SNAP23: variants seen among roughly 807,000 people sequenced by gnomAD.
SNAP23 encodes the protein synaptosomal-associated protein 23.
Under a neutral mutation model 29.0 loss-of-function variants are expected in SNAP23, and 11 were observed. That is an observed-to-expected ratio of 0.38 (90% CI 0.24 to 0.63). The LOEUF (loss-of-function observed/expected upper bound fraction) is 0.63. Ranked by LOEUF, SNAP23 falls within the 20% of genes least tolerant of loss-of-function variation. The pLI, the probability that SNAP23 is intolerant of heterozygous loss-of-function variation, is 0.58. For missense variants in SNAP23, 220 were observed against 253.9 expected (o/e 0.87, Z 0.91); for synonymous variants, 60 against 82.9 (o/e 0.72, Z 1.50).
upstream of SNAP23, chr15:42,495,460 C>T (rs2057209124): frequency 1.3e-5 from 2 of 152,258 alleles, no homozygotes; most frequent in African/African-American, 4.8e-5. Flanking sequence ...GCATGAACAC[C>T]TCCCAGCTTC....
At chr15:42,501,034 G>A (rs1243772136) in intron 1 of SNAP23, among the ~76,000 whole-genome samples, 1 of 152,062 alleles carries the variant, frequency 6.6e-6, no homozygotes, top group African/African-American at 2.4e-5. Flanking sequence ...TACTTTCGAT[G>A]GCCTTTCAAT....
intron 5 of SNAP23, among the ~76,000 whole-genome samples, chr15:42,517,054 G>C (rs560143789): frequency 6.6e-6 from 1 of 152,218 alleles, no homozygotes; most frequent in South Asian, 2.1e-4. Flanking sequence ...CAAGTAGCTG[G>C]GATTACAAAT....
At chr15:42,525,093 C>T (rs903613583) in intron 5 of SNAP23, among the ~76,000 whole-genome samples, 1 of 152,106 alleles carries the variant, frequency 6.6e-6, no homozygotes, top group Admixed American at 6.6e-5. Context: ...GTCAGCTGGG[C>T]GCGGTAGCTC....
chr15:42,514,672 C>T (rs2057384156), intron 4 of SNAP23, among the ~76,000 whole-genome samples: 1 of 151,670 alleles, frequency 6.6e-6, no homozygotes, highest in East Asian at 1.9e-4. Flanking sequence ...CTCTAAATAA[C>T]CGTCCCTTGG....
At chr15:42,516,269 A>G (rs767894096) in intron 5 of SNAP23, among the ~76,000 whole-genome samples, 1 of 151,962 alleles carries the variant, frequency 6.6e-6, no homozygotes, top group Non-Finnish European at 1.5e-5. Flanking sequence ...GGCACAAGAG[A>G]TCCTCCCACC....
chr15:42,528,341 T>A lies in SNAP23; in HGVS notation c.346T>A (p.Ser116Thr). The change falls in exon 6 of 8, where the codon TCT becomes ACT. Residue 116 changes from serine (S) to threonine (T), a missense_variant. Coordinates refer to ENST00000249647, the MANE Select transcript of SNAP23 (RefSeq NM_003825.4). ...GGENSPCNVV[S>T]KQPGPVTNGQ... ...AGAAAACTCACCTTGCAATGTAGTA[T>A]CTAAACAGCCAGGCCCGGTGACAAA... The A allele has an allele frequency of 6.2e-7, 1 of 1,614,078 alleles. No homozygotes were observed.
intron 1 of SNAP23, among the ~76,000 whole-genome samples, chr15:42,502,104 T>C (rs1167501538): frequency 6.6e-6 from 1 of 150,868 alleles, no homozygotes; most frequent in Non-Finnish European, 1.5e-5. Context: ...CTTGGCTGAC[T>C]GCAAGCTCTG....
rs201975588 is a variant in SNAP23, at chr15:42,528,358, G to A, written c.363G>A (p.Pro121=). 2.5e-5 allele frequency: 40 copies of A among 1,613,964 alleles called. No homozygotes were observed. In the Admixed American group the frequency reaches 3.3e-4, roughly 13 times the overall value. ...PCNVVSKQPG[P]VTNGQLQQPT... is the part of the protein sequence containing the mutation. ...ATGTAGTATCTAAACAGCCAGGCCC[G>A]GTGACAAATGGTCAGCTTCAGCAAC... Residue 121 remains proline (P), a synonymous_variant, in exon 6 of 8, where the codon CCG becomes CCA. Transcript: ENST00000249647.
intron 1 of SNAP23, among the ~76,000 whole-genome samples, chr15:42,502,966 G>A (rs570989240): frequency 1.4e-4 from 22 of 152,014 alleles, no homozygotes; most frequent in Admixed American, 1.4e-3. Flanking sequence ...AATTTTTTTT[G>A]TAATTAGAGT....
At chr15:42,526,998 C>T (rs2057509747) in intron 5 of SNAP23, among the ~76,000 whole-genome samples, 1 of 152,098 alleles carries the variant, frequency 6.6e-6, no homozygotes, top group Non-Finnish European at 1.5e-5. Context: ...GTGCCACACC[C>T]AGCTAATTTT....
chr15:42,504,343 A>G (rs999399898), intron 1 of SNAP23, among the ~76,000 whole-genome samples: 13 of 152,134 alleles, frequency 8.5e-5, no homozygotes, highest in Admixed American at 8.5e-4. Flanking sequence ...TCCGTCTCAA[A>G]TAAAATAAAG....
At chr15:42,492,709 A>G (rs935962225), upstream of SNAP23, 5 of 151,870 alleles carry the variant, frequency 3.3e-5, no homozygotes, top group African/African-American at 1.2e-4. Flanking sequence ...AGAGAGAGAA[A>G]AAAGAAAGGA....
At chr15:42,499,172 G>A (rs1219005455) in intron 1 of SNAP23, among the ~76,000 whole-genome samples, 5 of 151,546 alleles carry the variant, frequency 3.3e-5, no homozygotes, top group Non-Finnish European at 7.4e-5. Flanking sequence ...GGGTTCAAGC[G>A]ATTCTCCTGC....
At position 42,529,672 on chromosome 15, in the gene SNAP23, T is replaced by A; in HGVS notation, c.426-3T>A. ...TATGGAATTAACTGTCTTCTTGTGA[T>A]AGCATAACTAATGATGCCAGAGAAG... On this transcript the variant is annotated splice_region_variant and splice_polypyrimidine_tract_variant and intron_variant, in intron 6 of 7. Transcript: ENST00000249647. 1 of 1,612,974 alleles carries A rather than the reference T, an allele frequency of 6.2e-7. No individual in the cohort carries two copies. The highest frequency in any genetic ancestry group is 8.5e-7 in the Non-Finnish European group (1 of 1,179,638).
At chr15:42,515,692 T>C (rs2057391854) in intron 5 of SNAP23, among the ~76,000 whole-genome samples, 1 of 152,222 alleles carries the variant, frequency 6.6e-6, no homozygotes, top group African/African-American at 2.4e-5. Flanking sequence ...ACAAAATATA[T>C]ATTTTGTGGT....
rs1000500553 is a variant in SNAP23 at position 42,503,150 on chromosome 15, A to C, written c.-15+7437A>C. On this transcript the variant is annotated intron_variant, in intron 1 of 7. Coordinates refer to ENST00000249647, the MANE Select transcript of SNAP23 (RefSeq NM_003825.4). ...ATTTGTTAATATGATTTCTGTCTTG[A>C]ATCTTGTGCTTCAGTGTACTTTGAA... Among the ~76,000 whole-genome samples, 12 of 151,996 alleles carry C rather than the reference A, an allele frequency of 7.9e-5. 1 individual carries two copies. The highest frequency in any genetic ancestry group is 7.2e-4 in the Admixed American group (11 of 15,252).
At chr15:42,497,188 C>A (rs563651063) in intron 1 of SNAP23, among the ~76,000 whole-genome samples, 1 of 150,564 alleles carries the variant, frequency 6.6e-6, no homozygotes, top group East Asian at 1.9e-4. Flanking sequence ...CAAATGTGTG[C>A]CACCAAACCT....
chr15:42,502,582 T>C (rs2057282086), intron 1 of SNAP23, among the ~76,000 whole-genome samples: 1 of 152,200 alleles, frequency 6.6e-6, no homozygotes, highest in Non-Finnish European at 1.5e-5. Context: ...ACTATGTGGA[T>C]GGTTTCGGTG....
At chr15:42,525,147 C>T (rs1277917226) in intron 5 of SNAP23, among the ~76,000 whole-genome samples, 1 of 140,998 alleles carries the variant, frequency 7.1e-6, no homozygotes, top group Non-Finnish European at 1.6e-5. Context: ...GCAGGCGGAT[C>T]ACGAGGTCAG....
Sources: gnomAD v4.1 joint callset for allele counts (sites outside exome capture counted in the v4.1 genomes callset) on GRCh38, gnomAD v4.1.1 for gene constraint, MANE v1.5 for transcripts, NCBI Gene and HGNC (gene_info 2026-07-23, HGNC 2026-07-21) for gene names.